BEAN1: variants seen among roughly 807,000 people sequenced by gnomAD.
BEAN1 encodes the protein brain expressed associated with NEDD4 1, also known as protein BEAN1.
Under a neutral mutation model 17.7 loss-of-function variants are expected in BEAN1, and 17 were observed. The ratio of observed to expected loss-of-function variants is 0.96; its 90% CI spans 0.66 to 1.44. BEAN1 has a LOEUF of 1.44. BEAN1 is among the 40% of genes most tolerant of loss of function. The pLI, the probability that BEAN1 is intolerant of heterozygous loss-of-function variation, is 0.00. For synonymous variants in BEAN1, 142 were observed against 151.8 expected, an observed-to-expected ratio of 0.94 and a Z score of 0.47; for missense variants, 359 against 374.1, an observed-to-expected ratio of 0.96 and a Z score of 0.33.
Position 66,481,229 on chromosome 16 carries a change from G to C in BEAN1, c.*304G>C, listed in dbSNP as rs1963976835. On this transcript the variant is annotated 3_prime_UTR_variant, in exon 5 of 5. Coordinates refer to ENST00000536005, the MANE Select transcript of BEAN1 (RefSeq NM_001178020.3). The surrounding 1 kb of genome is among the most constrained non-coding windows in gnomAD (Gnocchi z 4.1). Reference sequence around the variant, plus strand: ...CGTCCCTCCTCCCGGCCTGTTTGTTGTGCCTCTGTAGAGAGCGCTTCGGAG... The same window carrying C: ...CGTCCCTCCTCCCGGCCTGTTTGTTCTGCCTCTGTAGAGAGCGCTTCGGAG... 7.3e-6 allele frequency: 3 copies of C among 410,346 alleles called. No individual in the cohort carries two copies. The highest frequency in any genetic ancestry group is 1.3e-5 in the Non-Finnish European group (3 of 233,326). The allele number at this position is 410,346 out of a possible 1,614,324, so 25.4% of individuals were successfully genotyped here. A position where few individuals can be genotyped will look rare whatever the true frequency, so the allele number is the denominator to read the frequency against.
At chr16:66,489,103 T>C (rs968690101) in intron 4 of BEAN1, among the ~76,000 whole-genome samples, 4 of 150,350 alleles carry the variant, frequency 2.7e-5, no homozygotes, top group African/African-American at 7.4e-5. Context: ...ACCCAGGAGG[T>C]GGAGGTAGCA....
In BEAN1 at chr16:66,434,572, C is replaced by T. The variant is rs1420457295; in HGVS notation, c.-82-3023C>T. ...TTTCCAAGGGTTTTGTGGGACACCG[C>T]GTAGGTGCTTGGGAAATGAATCAAT... On this transcript the variant is annotated intron_variant, in intron 1 of 4. Coordinates refer to ENST00000536005, the MANE Select transcript of BEAN1 (RefSeq NM_001178020.3). The surrounding 1 kb of genome is among the most constrained non-coding windows in gnomAD (Gnocchi z 4.3). Among the ~76,000 whole-genome samples, 2 of 152,134 alleles carry T rather than the reference C, an allele frequency of 1.3e-5. No homozygotes were observed. The highest frequency in any genetic ancestry group is 2.9e-5 in the Non-Finnish European group (2 of 68,024).
chr16:66,461,030 TG>T (rs1200765694), intron 2 of BEAN1, among the ~76,000 whole-genome samples: 2 of 151,928 alleles, frequency 1.3e-5, no homozygotes, highest in Admixed American at 6.6e-5. Flanking sequence ...ATGCTGGCAT[TG>T]GGGGGGAGGT....
At chr16:66,466,868 C>T (rs1376980327) in intron 2 of BEAN1, among the ~76,000 whole-genome samples, 5 of 152,238 alleles carry the variant, frequency 3.3e-5, no homozygotes, top group African/African-American at 1.2e-4. Flanking sequence ...TGCGCCCAGC[C>T]TGCATCTCAC....
chr16:66,492,145 G>A (rs937028791), intron 4 of BEAN1, among the ~76,000 whole-genome samples: 2 of 151,928 alleles, frequency 1.3e-5, no homozygotes, highest in Non-Finnish European at 2.9e-5. Flanking sequence ...AGGATCAAGC[G>A]ATTCTCCTGC....
At chr16:66,439,942 A>G (rs1962184862) in intron 2 of BEAN1, among the ~76,000 whole-genome samples, 1 of 151,888 alleles carries the variant, frequency 6.6e-6, no homozygotes, top group African/African-American at 2.4e-5. Flanking sequence ...TTCTTCTCAC[A>G]TTGTCCAGTC....
chr16:66,454,924 G>C (rs1463299065), intron 2 of BEAN1, among the ~76,000 whole-genome samples: 1 of 152,094 alleles, frequency 6.6e-6, no homozygotes, highest in Non-Finnish European at 1.5e-5. Flanking sequence ...GAGGGGTATG[G>C]AGGCAGTCAT....
chr16:66,492,892 T>A (rs571904582), intron 4 of BEAN1: 1 of 646,180 alleles, frequency 1.5e-6, no homozygotes, highest in East Asian at 2.7e-5. Context: ...TGGTCCTGCC[T>A]GGCCTGGCCC....
At position 66,471,455 on chromosome 16, in the gene BEAN1, C is replaced by G. The variant is rs1023784600; in HGVS notation, c.289+1590C>G. Among the ~76,000 whole-genome samples the G allele has an allele frequency of 6.6e-6, 1 of 152,210 alleles. No homozygotes were observed. Among genetic ancestry groups the G allele is most frequent in the Non-Finnish European group, 1.5e-5 (1 of 68,032 alleles). On this transcript the variant is annotated intron_variant, in intron 3 of 4. Coordinates refer to ENST00000536005, the MANE Select transcript of BEAN1 (RefSeq NM_001178020.3). The surrounding 1 kb of genome is among the most constrained non-coding windows in gnomAD (Gnocchi z 4.7). ...TGCCCAGGAAGGGAGCTGGAGGTGT[C>G]GGGGAGACGCCCCTGGGAGCCGCCC...
chr16:66,437,491 C>T, intron 1 of BEAN1, 104 bp from the exon 2 acceptor site: 1 of 667,168 alleles, frequency 1.5e-6, no homozygotes, highest in Non-Finnish European at 2.5e-6. Flanking sequence ...AGTGACCATC[C>T]TCTCCCGCAG....
At chr16:66,430,251 C>A (rs1961745970) in intron 1 of BEAN1, among the ~76,000 whole-genome samples, 1 of 152,232 alleles carries the variant, frequency 6.6e-6, no homozygotes, top group Non-Finnish European at 1.5e-5. Context: ...CTGCCAGTGG[C>A]CTGCAGTGTC....
intron 2 of BEAN1, among the ~76,000 whole-genome samples, chr16:66,447,600 G>C (rs1304585373): frequency 6.6e-6 from 1 of 152,156 alleles, no homozygotes; most frequent in Non-Finnish European, 1.5e-5. Flanking sequence ...TTGGCATTGA[G>C]AGGCAGCTTG....
chr16:66,460,349 C>T (rs1963036156), intron 2 of BEAN1, among the ~76,000 whole-genome samples: 1 of 152,210 alleles, frequency 6.6e-6, no homozygotes, highest in Non-Finnish European at 1.5e-5. Flanking sequence ...AGTTTAGAGC[C>T]TGATGGATGT....
chr16:66,491,383 G>A (rs1267432831), intron 4 of BEAN1, among the ~76,000 whole-genome samples: 1 of 152,208 alleles, frequency 6.6e-6, no homozygotes, highest in Non-Finnish European at 1.5e-5. Flanking sequence ...GTCCCTAAAG[G>A]TAGGCACTGC....
intron 3 of BEAN1, among the ~76,000 whole-genome samples, chr16:66,476,109 CAAA>C (rs543784605): frequency 1.2e-5 from 1 of 83,318 alleles, no homozygotes. Context: ...GACTCCGTCT[CAAA>C]AAAAAAAAAA....
At chr16:66,443,247 G>T (rs1006013866) in intron 2 of BEAN1, among the ~76,000 whole-genome samples, 1 of 152,208 alleles carries the variant, frequency 6.6e-6, no homozygotes, top group Non-Finnish European at 1.5e-5. Flanking sequence ...GATCAAATAA[G>T]ATATCACAGG....
chr16:66,492,642 T>C (rs567783329), intron 4 of BEAN1, among the ~76,000 whole-genome samples: 37 of 152,184 alleles, frequency 2.4e-4, no homozygotes, highest in African/African-American at 7.5e-4. Context: ...GGTTTCACCA[T>C]GTTGGCCAGG....
intron 2 of BEAN1, among the ~76,000 whole-genome samples, chr16:66,466,285 C>A (rs1963259175): frequency 6.6e-6 from 1 of 151,950 alleles, no homozygotes; most frequent in African/African-American, 2.4e-5. Flanking sequence ...TCAAAAAAAA[C>A]AAACAAAAAA....
intron 3 of BEAN1, chr16:66,475,761 T>C (rs1257568470): frequency 6.6e-6 from 1 of 152,170 alleles, no homozygotes. Flanking sequence ...AGAAAAGTAA[T>C]GTGTGTTCAT....
Sources: allele counts gnomAD v4.1 joint callset (sites outside exome capture counted in the v4.1 genomes callset), GRCh38; gene constraint gnomAD v4.1.1; non-coding constraint Gnocchi (gnomAD v3.1); transcripts MANE v1.5; gene names NCBI Gene and HGNC (gene_info 2026-07-23, HGNC 2026-07-21).